GATA4: variants seen among roughly 807,000 people sequenced by gnomAD.
The protein encoded by GATA4 is transcription factor GATA-4.
Under a neutral mutation model 37.9 loss-of-function variants are expected in GATA4, and 7 were observed. The observed-to-expected ratio is 0.18, with a 90% confidence interval of 0.11 to 0.35. GATA4 has a LOEUF of 0.35. Ranked by LOEUF, GATA4 falls within the 10% of genes least tolerant of loss-of-function variation. The pLI is 1.00. For synonymous variants in GATA4, 372 were observed against 292.6 expected (o/e 1.27, Z -2.77); for missense variants, 647 against 653.0 (o/e 0.99, Z 0.10).
At chr8:11,684,599 C>A (rs1250768512) in intron 1 of GATA4, among the ~76,000 whole-genome samples, 1 of 152,208 alleles carries the variant, frequency 6.6e-6, no homozygotes, top group Non-Finnish European at 1.5e-5. Flanking sequence ...TCCATCTCCT[C>A]CACTCACTGG....
chr8:11,743,289 C>A (rs572704355), intron 2 of GATA4, among the ~76,000 whole-genome samples: 2 of 152,366 alleles, frequency 1.3e-5, no homozygotes, highest in African/African-American at 4.8e-5. Flanking sequence ...TTACGTCTAG[C>A]ACTTGGACAG....
rs1799925056 is a variant in GATA4, at chr8:11,707,204, C to G, written c.-457-652C>G. On this transcript the variant is annotated intron_variant, in intron 1 of 6. Coordinates refer to ENST00000532059, the MANE Select transcript of GATA4 (RefSeq NM_001308093.3). The surrounding 1 kb of genome is among the most constrained non-coding windows in gnomAD (Gnocchi z 4.7). ...GTAACTATTTGCAAGAAACCTGTAA[C>G]TTGTCCGATTTGACGTCCACATGGT... 6.6e-6 allele frequency among the ~76,000 whole-genome samples: 1 copy of G among 152,160 alleles called. No homozygotes were observed. Among genetic ancestry groups the G allele is most frequent in the Non-Finnish European group, 1.5e-5 (1 of 68,034 alleles).
At position 11,707,152 on chromosome 8, in the gene GATA4, A is replaced by G. The variant is rs1799923003; in HGVS notation, c.-457-704A>G. 6.6e-6 allele frequency among the ~76,000 whole-genome samples: 1 copy of G among 152,166 alleles called. No homozygotes were observed. Among genetic ancestry groups the G allele is most frequent in the African/African-American group, 2.4e-5 (1 of 41,424 alleles). On this transcript the variant is annotated intron_variant, in intron 1 of 6. Coordinates refer to ENST00000532059, the MANE Select transcript of GATA4 (RefSeq NM_001308093.3). This position sits in a 1 kb window ranked among gnomAD's most constrained non-coding sequence, Gnocchi z 4.7. The stretch of plus-strand genomic sequence containing the variant: ...CATTCTTCTCACTTTTCTGGTTCTG[A>G]TATACAATTTGCAAAACGTCTAAAT...
chr8:11,755,018 C>A, intron 4 of GATA4, 28 bp from the exon 5 acceptor site: 1 of 1,571,120 alleles, frequency 6.4e-7, no homozygotes, highest in Non-Finnish European at 8.8e-7. Flanking sequence ...AAATGGAAAA[C>A]CCTATATATT....
At chr8:11,744,893 C>A (rs1217058783) in intron 2 of GATA4, among the ~76,000 whole-genome samples, 2 of 152,146 alleles carry the variant, frequency 1.3e-5, no homozygotes, top group Non-Finnish European at 2.9e-5. Flanking sequence ...TTAGGGTCTG[C>A]CATGAGTCCC....
chr8:11,759,848 G>C lies in GATA4; in HGVS notation c.*1373G>C, dbSNP rs1585710693. On this transcript the variant is annotated 3_prime_UTR_variant, in exon 7 of 7. Coordinates refer to ENST00000532059, the MANE Select transcript of GATA4 (RefSeq NM_001308093.3). ...ACTGGCTGTAGCAGAGAATACCTTT[G>C]AACCAAGATTCTGTTTTAATCATCA... 6.6e-6 allele frequency: 1 copy of C among 152,488 alleles called. No individual in the cohort carries two copies. The highest frequency in any genetic ancestry group is 1.5e-5 in the Non-Finnish European group (1 of 68,044). The allele number at this position is 152,488 out of a possible 1,614,324, so 9.4% of individuals were successfully genotyped here. A position where few individuals can be genotyped will look rare whatever the true frequency, so the allele number is the denominator to read the frequency against.
chr8:11,709,061 T>A lies in GATA4; in HGVS notation c.616+133T>A. 1.1e-6 allele frequency: 1 copy of A among 936,146 alleles called. No homozygotes were observed. The highest frequency in any genetic ancestry group is 1.5e-6 in the Non-Finnish European group (1 of 678,278). The allele number at this position is 936,146 out of a possible 1,614,324, so 58.0% of individuals were successfully genotyped here. The stretch of plus-strand genomic sequence containing the variant: ...ATGGTGCTTCACTACCTCGAGTTTC[T>A]AGGGAAGGCAGAAGCCAGTGCGGGG... On this transcript the variant is annotated intron_variant, in intron 2 of 6. Transcript: ENST00000532059. This position sits in a 1 kb window ranked among gnomAD's most constrained non-coding sequence, Gnocchi z 4.3.
At chr8:11,756,877 C>T in intron 5 of GATA4, 58 bp from the exon 6 acceptor site, 3 of 1,612,954 alleles carry the variant, frequency 1.9e-6, no homozygotes, top group Non-Finnish European at 1.7e-6. Flanking sequence ...TCGCAGGCTG[C>T]CGGCTGTTCG....
chr8:11,692,858 C>G (rs929669448), intron 1 of GATA4: 1 of 981,628 alleles, frequency 1.0e-6, no homozygotes, highest in Non-Finnish European at 1.2e-6. Context: ...GGGCTGACCC[C>G]GAGCGCCGCC....
intron 2 of GATA4, among the ~76,000 whole-genome samples, chr8:11,736,238 A>C (rs1382664173): frequency 6.6e-6 from 1 of 152,212 alleles, no homozygotes; most frequent in African/African-American, 2.4e-5. Context: ...AAAATTGCGT[A>C]ATTTAAACAC....
intron 4 of GATA4, among the ~76,000 whole-genome samples, chr8:11,754,211 A>C (rs994663035): frequency 3.3e-5 from 5 of 152,112 alleles, no homozygotes; most frequent in Non-Finnish European, 7.4e-5. Flanking sequence ...AATTGATAGC[A>C]CCGCTGCACC....
At chr8:11,717,641 T>C (rs1462009761) in intron 2 of GATA4, among the ~76,000 whole-genome samples, 2 of 152,214 alleles carry the variant, frequency 1.3e-5, no homozygotes, top group African/African-American at 4.8e-5. Flanking sequence ...CTATGTGTGA[T>C]TGAAGGGCTC....
intron 2 of GATA4, among the ~76,000 whole-genome samples, chr8:11,718,770 C>G (rs1307504567): frequency 6.6e-6 from 1 of 152,232 alleles, no homozygotes; most frequent in Non-Finnish European, 1.5e-5. Flanking sequence ...TTCTAGAAAT[C>G]CAGTCAAACC....
intron 2 of GATA4, among the ~76,000 whole-genome samples, chr8:11,738,576 A>G (rs1313815475): frequency 1.3e-5 from 2 of 152,220 alleles, no homozygotes; most frequent in African/African-American, 4.8e-5. Flanking sequence ...GTCCTCTGCT[A>G]TGGAAGGACA....
intron 2 of GATA4, among the ~76,000 whole-genome samples, chr8:11,717,444 C>T (rs899748423): frequency 7.9e-5 from 12 of 152,144 alleles, no homozygotes; most frequent in Admixed American, 2.6e-4. Context: ...ATACGATGAT[C>T]TCTGTTTTGC....
At chr8:11,685,654 TC>T (rs1430306836) in intron 1 of GATA4, among the ~76,000 whole-genome samples, 1 of 152,194 alleles carries the variant, frequency 6.6e-6, no homozygotes, top group East Asian at 1.9e-4. Flanking sequence ...AGGAAGAGAT[TC>T]CCCTCCCCAT....
intron 2 of GATA4, among the ~76,000 whole-genome samples, chr8:11,730,804 C>T (rs1801167823): frequency 6.6e-6 from 1 of 152,206 alleles, no homozygotes; most frequent in South Asian, 2.1e-4. Context: ...AAACCCAGGT[C>T]ACAGGGACCT....
chr8:11,693,513 T>A (rs1799393752), intron 1 of GATA4, among the ~76,000 whole-genome samples: 1 of 127,292 alleles, frequency 7.9e-6, no homozygotes, highest in African/African-American at 3.1e-5. Context: ...AGAGGATTGA[T>A]TCAGCACAAA....
intron 2 of GATA4, among the ~76,000 whole-genome samples, chr8:11,730,584 G>T (rs578108907): frequency 3.9e-4 from 60 of 152,352 alleles, no homozygotes; most frequent in African/African-American, 1.4e-3. Context: ...GGTGCAGACA[G>T]CGAAGAGGAG....
Sources: gnomAD v4.1 joint callset for allele counts (sites outside exome capture counted in the v4.1 genomes callset) on GRCh38, gnomAD v4.1.1 for gene constraint, Gnocchi (gnomAD v3.1) non-coding constraint, MANE v1.5 for transcripts, NCBI Gene and HGNC (gene_info 2026-07-23, HGNC 2026-07-21) for gene names.